NAV3: variants seen among roughly 807,000 people sequenced by gnomAD.
NAV3 encodes neuron navigator 3.
NAV3 carries 87 observed loss-of-function variants against 244.7 expected under a neutral mutation model. The ratio of observed to expected loss-of-function variants is 0.36; its 90% CI spans 0.30 to 0.42. The LOEUF (loss-of-function observed/expected upper bound fraction) is 0.42. Ranked by LOEUF, NAV3 falls within the 20% of genes least tolerant of loss-of-function variation. NAV3 has a pLI of 1.00. For missense variants in NAV3, 2,663 were observed against 2,893.3 expected (o/e 0.92, Z 1.83); for synonymous variants, 1,126 against 1,042.2 (o/e 1.08, Z -1.55).
At chr12:78,000,527 G>A (rs1325639038) in intron 7 of NAV3, among the ~76,000 whole-genome samples, 2 of 124,750 alleles carry the variant, frequency 1.6e-5, no homozygotes, top group South Asian at 5.1e-4. Context: ...TTTTTGAGAC[G>A]GAGTCTCACT....
At chr12:77,843,643 G>T (rs186270171) in intron 1 of NAV3, among the ~76,000 whole-genome samples, 11 of 151,728 alleles carry the variant, frequency 7.2e-5, no homozygotes, top group Admixed American at 7.2e-4. Context: ...CCACAGAAAT[G>T]ATTATAATGC....
At chr12:78,082,685 C>G (rs114669008) in intron 12 of NAV3, among the ~76,000 whole-genome samples, 2,058 of 152,224 alleles carry the variant, frequency 0.014, 48 homozygotes, top group African/African-American at 0.047. Context: ...ATACCCATAA[C>G]CCTACAAACT....
At chr12:77,762,723 TTTGTTG>T (rs5799344) in intron 2 of NAV3, among the ~76,000 whole-genome samples, 255 of 150,710 alleles carry the variant, frequency 1.7e-3, no homozygotes, top group African/African-American at 5.4e-3. Context: ...TCATGGGTTT[TTTGTTG>T]TTGTTGTTGT....
At chr12:77,998,210 T>C (rs1872677566) in intron 6 of NAV3, 127 bp from the exon 7 acceptor site, 2 of 597,916 alleles carry the variant, frequency 3.3e-6, no homozygotes, top group East Asian at 3.2e-5. Context: ...TTGTCACATC[T>C]ATCACCATTT....
chr12:78,097,696 T>C (rs1253585046), intron 12 of NAV3, among the ~76,000 whole-genome samples: 2 of 152,170 alleles, frequency 1.3e-5, no homozygotes, highest in African/African-American at 4.8e-5. Flanking sequence ...ATATAAGAAA[T>C]ATTTTATTGA....
At chr12:78,070,685 G>GATGCT (rs1337926420) in intron 12 of NAV3, among the ~76,000 whole-genome samples, 11 of 147,876 alleles carry the variant, frequency 7.4e-5, no homozygotes, top group African/African-American at 2.5e-4. Context: ...TATATCTCCC[G>GATGCT]ATGCTATCCC....
At chr12:78,046,988 T>A (rs1002606266) in intron 9 of NAV3, among the ~76,000 whole-genome samples, 1 of 152,180 alleles carries the variant, frequency 6.6e-6, no homozygotes, top group Non-Finnish European at 1.5e-5. Flanking sequence ...TTATGCAATG[T>A]CCTTCTTTGT....
At position 78,200,568 on chromosome 12, in the gene NAV3, G is replaced by C. The variant is rs761581968; in HGVS notation, c.6811G>C (p.Glu2271Gln). The change falls in exon 38 of 40, where the codon GAG becomes CAG. Residue 2271 changes from glutamate to glutamine, a missense_variant. Transcript: ENST00000397909. Reference protein sequence around the residue: ...WNYSLVPYILEAVREGLQMYG... With the variant: ...WNYSLVPYILQAVREGLQMYG... Reference sequence around the variant, plus strand: ...CTATTCTTTAGTACCTTATATTCTGGAGGCAGTGAGAGAGGGTCTTCAGGT... The same window carrying C: ...CTATTCTTTAGTACCTTATATTCTGCAGGCAGTGAGAGAGGGTCTTCAGGT... 1 of 1,570,852 alleles carries C rather than the reference G, an allele frequency of 6.4e-7. No homozygotes were observed. The highest frequency in any genetic ancestry group is 8.7e-7 in the Non-Finnish European group (1 of 1,155,826).
chr12:77,676,476 C>T (rs1874210237), intron 2 of NAV3, among the ~76,000 whole-genome samples: 1 of 152,000 alleles, frequency 6.6e-6, no homozygotes, highest in East Asian at 1.9e-4. Context: ...TTCCACCAAT[C>T]TCCCAGGGTT....
At chr12:77,953,894 C>T (rs1891125236) in intron 3 of NAV3, among the ~76,000 whole-genome samples, 1 of 152,128 alleles carries the variant, frequency 6.6e-6, no homozygotes, top group African/African-American at 2.4e-5. Context: ...TAACAAATTA[C>T]CACAAATTTG....
Position 78,146,388 on chromosome 12 carries a change from C to A in NAV3, c.4703C>A (p.Ser1568Ter). Residue 1568 changes from serine to a stop codon, truncating the protein, a stop_gained, in exon 21 of 40, where the codon TCA becomes TAA. Coordinates refer to ENST00000397909, the MANE Select transcript of NAV3 (RefSeq NM_001024383.2). LOFTEE classifies it high-confidence loss of function. Reference protein sequence around the residue: ...LYSTAEEKAHSEQIHKLRREL... With the variant: ...LYSTAEEKAH ...TTACAGGCTGAAGAAAAGGCTCATT[C>A]AGAGGTAAAAAAAAAATATGCAATA... 2.9e-6 allele frequency: 3 copies of A among 1,047,104 alleles called. No individual in the cohort carries two copies. The highest frequency in any genetic ancestry group is 3.2e-5 in the Admixed American group (1 of 31,402). 64.9% of individuals were successfully genotyped at this position (1,047,104 alleles called of 1,614,324 possible).
At position 78,010,882 on chromosome 12, in the gene NAV3, A is replaced by T. The variant is rs1268212503; in HGVS notation, c.1907+3437A>T. The T allele has an allele frequency of 3.9e-5, 6 of 152,196 alleles. No individual in the cohort carries two copies. The East Asian group carries it at 1.2e-3, about 29-fold the overall frequency. The allele number at this position is 152,196 out of a possible 1,614,324, so 9.4% of individuals were successfully genotyped here. Reference sequence around the variant, plus strand: ...TCTGAGACTTCAATAAATGCTTCATAGTACTCTTTGTCACACACTGGGTGT... The same window carrying T: ...TCTGAGACTTCAATAAATGCTTCATTGTACTCTTTGTCACACACTGGGTGT... On this transcript the variant is annotated intron_variant, in intron 8 of 39. Coordinates refer to ENST00000397909, the MANE Select transcript of NAV3 (RefSeq NM_001024383.2).
chr12:77,825,257 A>T (rs1350912341), intron 2 of NAV3, among the ~76,000 whole-genome samples: 1 of 152,116 alleles, frequency 6.6e-6, no homozygotes, highest in Non-Finnish European at 1.5e-5. Context: ...ACCAGATAAA[A>T]ATTTGCATCT....
intron 12 of NAV3, among the ~76,000 whole-genome samples, chr12:78,093,637 T>G (rs949373189): frequency 1.3e-5 from 2 of 151,376 alleles, no homozygotes; most frequent in Non-Finnish European, 2.9e-5. Flanking sequence ...AAAGACACTC[T>G]GGGGGAAAAA....
intron 1 of NAV3, among the ~76,000 whole-genome samples, chr12:77,896,039 G>C (rs901817356): frequency 1.3e-5 from 2 of 150,474 alleles, no homozygotes; most frequent in East Asian, 3.9e-4. Flanking sequence ...ATGAGAAAGT[G>C]CCAATGTTAG....
chr12:78,168,176 A>G (rs1957857358), intron 23 of NAV3, among the ~76,000 whole-genome samples: 1 of 151,764 alleles, frequency 6.6e-6, no homozygotes, highest in Non-Finnish European at 1.5e-5. Context: ...ATGAAAAAGT[A>G]TCAGAATGTA....
chr12:77,957,073 T>A (rs1233799195), intron 3 of NAV3, among the ~76,000 whole-genome samples: 1 of 152,202 alleles, frequency 6.6e-6, no homozygotes, highest in Non-Finnish European at 1.5e-5. Flanking sequence ...AAATGACACT[T>A]TTATGAAGCT....
chr12:77,736,976 A>T (rs192380422), intron 2 of NAV3, among the ~76,000 whole-genome samples: 7 of 152,208 alleles, frequency 4.6e-5, no homozygotes, highest in Non-Finnish European at 7.4e-5. Flanking sequence ...TTTGAGCCTA[A>T]ATCTAGGTTA....
At chr12:77,992,815 G>T (rs1261847961) in intron 5 of NAV3, among the ~76,000 whole-genome samples, 16 of 152,148 alleles carry the variant, frequency 1.1e-4, no homozygotes, top group Admixed American at 9.8e-4. Flanking sequence ...AACTAATTGG[G>T]TCAGCTTACT....
Sources: allele counts gnomAD v4.1 joint callset (sites outside exome capture counted in the v4.1 genomes callset), GRCh38; gene constraint gnomAD v4.1.1; transcripts MANE v1.5; gene names NCBI Gene and HGNC (gene_info 2026-07-23, HGNC 2026-07-21).